Variants in CHD7 observed in about 807,000 individuals in gnomAD.
CHD7 encodes ATP-dependent chromatin remodeler CHD7.
A neutral mutation model predicts 307.3 loss-of-function variants in CHD7; 24 were observed. The ratio of observed to expected loss-of-function variants is 0.08; its 90% CI spans 0.06 to 0.11. The LOEUF is 0.11. Among genes scored for constraint, CHD7 ranks in the 10% least tolerant of loss-of-function variants. The probability of loss-of-function intolerance (pLI) is 1.00; values close to 1 mark genes in which losing one functional copy is unlikely to be tolerated. For synonymous variants in CHD7, 1,363 were observed against 1,349.9 expected (o/e 1.01, Z -0.21); for missense variants, 3,106 against 3,727.1 (o/e 0.83, Z 4.34).
At chr8:60,810,523 A>G (rs1812750676) in intron 7 of CHD7, among the ~76,000 whole-genome samples, 1 of 152,122 alleles carries the variant, frequency 6.6e-6, no homozygotes, top group South Asian at 2.1e-4. Flanking sequence ...GTATTATTCC[A>G]GCAGCCCAGG....
intron 2 of CHD7, among the ~76,000 whole-genome samples, chr8:60,778,169 T>TC (rs1811044215): frequency 6.6e-6 from 1 of 152,138 alleles, no homozygotes; most frequent in South Asian, 2.1e-4. Flanking sequence ...CAGGTTTTTT[T>TC]CCCCACATGA....
Position 60,837,556 on chromosome 8 carries a change from C to T in CHD7, c.4186-112C>T, listed in dbSNP as rs1447166438. The T allele has an allele frequency of 2.4e-5, 22 of 917,584 alleles. No individual in the cohort carries two copies. The Middle Eastern group carries it at 9.8e-4, about 41-fold the overall frequency. 56.8% of individuals were successfully genotyped at this position (917,584 alleles called of 1,614,324 possible). On this transcript the variant is annotated intron_variant, in intron 17 of 37. Transcript: ENST00000423902. ...TCATGACCTAATTACTTCCCTAAGG[C>T]GCCACCTCCAAATACCATCACATTG... is the stretch of plus-strand genomic sequence containing the variant.
At chr8:60,680,327 C>T (rs1430925580) in intron 1 of CHD7, among the ~76,000 whole-genome samples, 26 of 133,276 alleles carry the variant, frequency 2.0e-4, no homozygotes, top group African/African-American at 6.9e-4. Context: ...GCGCGGGGCT[C>T]GGGCGGGGGC....
chr8:60,721,117 G>A (rs1807881031), intron 1 of CHD7, among the ~76,000 whole-genome samples: 2 of 152,284 alleles, frequency 1.3e-5, no homozygotes, highest in South Asian at 4.1e-4. Context: ...TGGTCTTATG[G>A]ATTGAATTGT....
chr8:60,708,975 A>G (rs567959515), intron 1 of CHD7, among the ~76,000 whole-genome samples: 7 of 152,018 alleles, frequency 4.6e-5, no homozygotes, highest in African/African-American at 9.6e-5. Context: ...CTCTGTGGAG[A>G]CGTTGCTGGC....
chr8:60,759,411 C>G (rs771879589), intron 2 of CHD7, among the ~76,000 whole-genome samples: 45 of 151,694 alleles, frequency 3.0e-4, no homozygotes, highest in Admixed American at 2.0e-4. Flanking sequence ...CTCTCCGCCT[C>G]CCTTTCTCCC....
At chr8:60,684,960 T>G (rs980478670) in intron 1 of CHD7, among the ~76,000 whole-genome samples, 2 of 152,058 alleles carry the variant, frequency 1.3e-5, no homozygotes, top group East Asian at 1.9e-4. Flanking sequence ...ATTTGAGAGA[T>G]ATTTAACAGT....
At chr8:60,689,619 T>C (rs1230151738) in intron 1 of CHD7, among the ~76,000 whole-genome samples, 4 of 152,198 alleles carry the variant, frequency 2.6e-5, no homozygotes, top group Non-Finnish European at 2.9e-5. Flanking sequence ...ACAACAAACA[T>C]CATGATCTTA....
intron 4 of CHD7, among the ~76,000 whole-genome samples, chr8:60,796,977 C>T (rs1812064602): frequency 6.6e-6 from 1 of 152,152 alleles, no homozygotes; most frequent in African/African-American, 2.4e-5. Flanking sequence ...TTTAAATGTT[C>T]TATTTGTTAT....
At position 60,790,477 on chromosome 8, in the gene CHD7, T is replaced by G. The variant is rs561535934; in HGVS notation, c.2097-4509T>G. ...TAAAAAATGCTAGGTTTCACTCTAT[T>G]TTTTTGAACTTTAGCCCGATTTTAC... is the stretch of plus-strand genomic sequence containing the variant. On this transcript the variant is annotated intron_variant, in intron 3 of 37. Coordinates refer to ENST00000423902, the MANE Select transcript of CHD7 (RefSeq NM_017780.4). 1.7e-3 allele frequency among the ~76,000 whole-genome samples: 266 copies of G among 152,348 alleles called. 1 individual carries two copies. The highest frequency in any genetic ancestry group is 5.5e-3 in the African/African-American group (227 of 41,568).
chr8:60,845,134 A>T, intron 22 of CHD7, 71 bp downstream of exon 22: 1 of 1,587,492 alleles, frequency 6.3e-7, no homozygotes, highest in Admixed American at 1.7e-5. Flanking sequence ...CACACTGTTG[A>T]TAAAGAGATG....
At chr8:60,719,241 A>G (rs939929149) in intron 1 of CHD7, among the ~76,000 whole-genome samples, 1 of 152,224 alleles carries the variant, frequency 6.6e-6, no homozygotes, top group Non-Finnish European at 1.5e-5. Flanking sequence ...GGAGATTGGC[A>G]GACTTCCTTT....
At chr8:60,754,802 T>A (rs911977767) in intron 2 of CHD7, among the ~76,000 whole-genome samples, 2 of 152,246 alleles carry the variant, frequency 1.3e-5, no homozygotes, top group Admixed American at 6.5e-5. Context: ...TGTTTCATAT[T>A]GCTAGGGATG....
chr8:60,730,853 C>T (rs189806234), intron 1 of CHD7, among the ~76,000 whole-genome samples: 1 of 151,020 alleles, frequency 6.6e-6, no homozygotes, highest in East Asian at 1.9e-4. Flanking sequence ...GAGCGAGACT[C>T]TGTCTCAAAA....
At chr8:60,861,178 C>T in intron 35 of CHD7, 53 bp downstream of exon 35, 1 of 1,348,278 alleles carries the variant, frequency 7.4e-7, no homozygotes, top group Non-Finnish European at 1.0e-6. Flanking sequence ...CGGTCCACTT[C>T]ATTCCCTTAC....
chr8:60,822,966 G>A (rs1804112241), intron 12 of CHD7, among the ~76,000 whole-genome samples: 1 of 152,136 alleles, frequency 6.6e-6, no homozygotes, highest in African/African-American at 2.4e-5. Context: ...AGATTAGAAG[G>A]AATGAAATTT....
chr8:60,802,550 A>G (rs1371821262), intron 6 of CHD7, among the ~76,000 whole-genome samples: 1 of 152,168 alleles, frequency 6.6e-6, no homozygotes, highest in Non-Finnish European at 1.5e-5. Flanking sequence ...AATAATATAT[A>G]ATAAAGACAT....
intron 3 of CHD7, among the ~76,000 whole-genome samples, chr8:60,789,350 G>T (rs555607438): frequency 6.6e-6 from 1 of 152,304 alleles, no homozygotes; most frequent in East Asian, 1.9e-4. Flanking sequence ...ATACCTTTCA[G>T]TCTTTAAAAG....
At chr8:60,813,391 A>G (rs1276995693) in intron 7 of CHD7, among the ~76,000 whole-genome samples, 1 of 152,120 alleles carries the variant, frequency 6.6e-6, no homozygotes, top group Non-Finnish European at 1.5e-5. Flanking sequence ...TATGTCTCTT[A>G]TTGTTTTGAC....
Sources: gnomAD v4.1 joint callset for allele counts (sites outside exome capture counted in the v4.1 genomes callset) on GRCh38, gnomAD v4.1.1 for gene constraint, MANE v1.5 for transcripts, NCBI Gene and HGNC (gene_info 2026-07-23, HGNC 2026-07-21) for gene names.